The following CALN1 variants were observed in gnomAD, a reference collection of about 807,000 sequenced individuals.
CALN1 encodes calcium-binding protein 8.
CALN1 carries 17 observed loss-of-function variants against 30.6 expected under a neutral mutation model. The observed-to-expected ratio is 0.56, with a 90% CI of 0.38 to 0.83. The LOEUF is 0.83. Among genes scored for constraint, CALN1 ranks in the 40% least tolerant of loss-of-function variants. The probability of loss-of-function intolerance (pLI) is 0.00; values close to 1 mark genes in which losing one functional copy is unlikely to be tolerated. For synonymous variants in CALN1, 156 were observed against 131.4 expected, an observed-to-expected ratio of 1.19 and a Z score of -1.28; for missense variants, 291 against 354.9, an observed-to-expected ratio of 0.82 and a Z score of 1.45.
intron 6 of CALN1, among the ~76,000 whole-genome samples, chr7:71,789,690 ATCTT>A (rs1334333218): frequency 6.6e-6 from 1 of 152,068 alleles, no homozygotes; most frequent in Non-Finnish European, 1.5e-5. Flanking sequence ...CGTTCTCTTA[ATCTT>A]TCTGTTGTGC....
At chr7:72,405,861 T>C (rs1420547243) in intron 1 of CALN1, among the ~76,000 whole-genome samples, 1 of 152,218 alleles carries the variant, frequency 6.6e-6, no homozygotes, top group Non-Finnish European at 1.5e-5. Context: ...TCTGAATATG[T>C]TGAGTCCCTT....
intron 2 of CALN1, among the ~76,000 whole-genome samples, chr7:72,385,193 G>T (rs369788956): frequency 6.6e-6 from 1 of 152,220 alleles, no homozygotes; most frequent in African/African-American, 2.4e-5. Context: ...CTTTCTTGAT[G>T]ATGGGAATAT....
chr7:71,834,235 A>G (rs1002059988), intron 5 of CALN1, among the ~76,000 whole-genome samples: 1 of 139,064 alleles, frequency 7.2e-6, no homozygotes, highest in Non-Finnish European at 1.6e-5. Flanking sequence ...AAAAAAAAAA[A>G]AAAACCAACA....
At chr7:72,017,931 T>G (rs1800491347) in intron 5 of CALN1, among the ~76,000 whole-genome samples, 1 of 152,134 alleles carries the variant, frequency 6.6e-6, no homozygotes, top group Non-Finnish European at 1.5e-5. Flanking sequence ...GACTCATTTC[T>G]CTGTTTCTTC....
intron 5 of CALN1, among the ~76,000 whole-genome samples, chr7:71,947,642 C>T (rs10275223): frequency 0.34 from 52,131 of 151,856 alleles, 9,507 homozygotes; most frequent in Middle Eastern, 0.45. Context: ...AATGCAGTTA[C>T]AATTTTTAAA....
At chr7:72,081,275 C>T (rs1348081481) in intron 4 of CALN1, among the ~76,000 whole-genome samples, 5 of 152,018 alleles carry the variant, frequency 3.3e-5, no homozygotes, top group Admixed American at 2.0e-4. Flanking sequence ...TTCTAGAAAA[C>T]ATGAACTGTG....
intron 5 of CALN1, among the ~76,000 whole-genome samples, chr7:71,934,026 T>A (rs1795698388): frequency 6.6e-6 from 1 of 152,228 alleles, no homozygotes; most frequent in South Asian, 2.1e-4. Context: ...AGGTTCACTC[T>A]TTACAGAACA....
At chr7:72,044,598 A>ATTTTTTTTTTT (rs1563005478) in intron 4 of CALN1, among the ~76,000 whole-genome samples, 5 of 114,436 alleles carry the variant, frequency 4.4e-5, no homozygotes, top group African/African-American at 1.7e-4. Flanking sequence ...TCCGCTTAAA[A>ATTTTTTTTTTT]CTTTTTTTTT....
chr7:72,126,885 C>T (rs111635450), intron 3 of CALN1, among the ~76,000 whole-genome samples: 96 of 151,920 alleles, frequency 6.3e-4, no homozygotes, highest in African/African-American at 2.3e-3. Context: ...GACAGATGCA[C>T]CAAGATCTCA....
At chr7:72,491,235 AAAAAAC>A in the CALN1 span, among the ~76,000 whole-genome samples, 1 of 150,218 alleles carries the variant, frequency 6.7e-6, no homozygotes, top group Non-Finnish European at 1.5e-5. Flanking sequence ...TCAAAAAAAA[AAAAAAC>A]AAAAACAAAA....
intron 3 of CALN1, among the ~76,000 whole-genome samples, chr7:72,169,631 C>G (rs1788795999): frequency 6.6e-6 from 1 of 151,636 alleles, no homozygotes; most frequent in Admixed American, 6.6e-5. Flanking sequence ...TTGCTTCTTG[C>G]TTATACCCTC....
chr7:72,032,224 A>C (rs1168637571), intron 4 of CALN1, among the ~76,000 whole-genome samples: 1 of 150,256 alleles, frequency 6.7e-6, no homozygotes, highest in African/African-American at 2.5e-5. Context: ...GCGCCCAGCT[A>C]ATTTTTTGTA....
At chr7:72,246,629 G>A (rs143102942) in intron 3 of CALN1, among the ~76,000 whole-genome samples, 29 of 152,252 alleles carry the variant, frequency 1.9e-4, no homozygotes, top group Admixed American at 1.6e-3. Context: ...GCCTCAAAGT[G>A]GACAGGAGAA....
chr7:72,181,108 C>CA (rs1554308662), intron 3 of CALN1, among the ~76,000 whole-genome samples: 3 of 112,548 alleles, frequency 2.7e-5, no homozygotes, highest in Non-Finnish European at 3.6e-5. Flanking sequence ...CCCCCCCCCC[C>CA]CCAAAAAAAA....
chr7:71,835,491 T>C (rs1042528194), intron 5 of CALN1, among the ~76,000 whole-genome samples: 1 of 152,238 alleles, frequency 6.6e-6, no homozygotes, highest in East Asian at 1.9e-4. Flanking sequence ...ATATGGCAAG[T>C]GGCATTGCCT....
intron 5 of CALN1, among the ~76,000 whole-genome samples, chr7:71,912,479 A>G (rs559470366): frequency 2.6e-4 from 39 of 152,312 alleles, no homozygotes; most frequent in Non-Finnish European, 5.0e-4. Context: ...GAAACCGGCC[A>G]CACACACAAT....
At chr7:71,830,817 T>C (rs1479689485) in intron 5 of CALN1, among the ~76,000 whole-genome samples, 5 of 152,208 alleles carry the variant, frequency 3.3e-5, no homozygotes, top group Admixed American at 2.0e-4. Flanking sequence ...ATGTGGTTGT[T>C]ATGTGGATAG....
At chr7:72,309,070 CAG>C (rs779664147) in intron 2 of CALN1, among the ~76,000 whole-genome samples, 21 of 152,254 alleles carry the variant, frequency 1.4e-4, no homozygotes, top group African/African-American at 4.3e-4. Context: ...TTCAAAACTG[CAG>C]AGTTAGTAAG....
intron 2 of CALN1, among the ~76,000 whole-genome samples, chr7:72,345,825 C>T (rs898684375): frequency 1.1e-4 from 16 of 152,132 alleles, no homozygotes; most frequent in African/African-American, 1.9e-4. Flanking sequence ...GTACCCTAAA[C>T]GCCTGCCGCA....
Sources: gnomAD v4.1 joint callset for allele counts (sites outside exome capture counted in the v4.1 genomes callset) on GRCh38, gnomAD v4.1.1 for gene constraint, MANE v1.5 for transcripts, NCBI Gene and HGNC (gene_info 2026-07-23, HGNC 2026-07-21) for gene names.